Variants in PLXNA2 observed in about 807,000 individuals in gnomAD.
PLXNA2 encodes plexin A2.
PLXNA2 carries 91 observed loss-of-function variants against 193.5 expected under a neutral mutation model. That is an observed-to-expected ratio of 0.47 (90% confidence interval 0.40 to 0.56). PLXNA2 has a LOEUF of 0.56. Ranked by LOEUF, PLXNA2 falls within the 20% of genes least tolerant of loss-of-function variation. The pLI is 0.00. For synonymous variants in PLXNA2, 997 were observed against 1,027.3 expected (o/e 0.97, Z 0.56); for missense variants, 1,995 against 2,503.2 (o/e 0.80, Z 4.33).
intron 29 of PLXNA2, chr1:208,029,738 C>T (rs969053148): frequency 4.1e-6 from 4 of 985,526 alleles, no homozygotes; most frequent in African/African-American, 1.7e-5. Flanking sequence ...TAGGAGACTT[C>T]CTTCTGCAAC....
intron 29 of PLXNA2, chr1:208,029,944 G>C (rs1387997651): frequency 7.1e-6 from 7 of 985,344 alleles, no homozygotes; most frequent in Non-Finnish European, 4.8e-6. Flanking sequence ...TCACAGGCTT[G>C]TCCTCCAGCC....
At chr1:208,169,693 G>A (rs1669430493) in intron 3 of PLXNA2, among the ~76,000 whole-genome samples, 3 of 152,206 alleles carry the variant, frequency 2.0e-5, no homozygotes, top group Admixed American at 2.0e-4. Context: ...ATGTTCAACA[G>A]GTGAGAAAAG....
intron 4 of PLXNA2, among the ~76,000 whole-genome samples, chr1:208,135,740 G>C (rs1258250231): frequency 3.9e-5 from 6 of 152,170 alleles, no homozygotes; most frequent in Non-Finnish European, 8.8e-5. Context: ...GGGTCAGAAT[G>C]GGTGCTCTCT....
chr1:208,243,743 C>T lies in PLXNA2; in HGVS notation c.-181G>A, dbSNP rs1332094127. ...GCGAGGCCCCTCTCCCTGCCCGCAG[C>T]TCGGAATCAGGGAGACGACCAAATC... On this transcript the variant is annotated 5_prime_UTR_variant, in exon 1 of 32. Coordinates refer to ENST00000367033, the MANE Select transcript of PLXNA2 (RefSeq NM_025179.4). The T allele has an allele frequency of 2.0e-5, 3 of 152,292 alleles. No homozygotes were observed. Among genetic ancestry groups the T allele is most frequent in the Admixed American group, 6.5e-5 (1 of 15,290 alleles). The allele number at this position is 152,292 out of a possible 1,614,324, so 9.4% of individuals were successfully genotyped here.
At chr1:208,058,148 A>C (rs78637326) in intron 13 of PLXNA2, among the ~76,000 whole-genome samples, 2 of 152,266 alleles carry the variant, frequency 1.3e-5, no homozygotes, top group East Asian at 1.9e-4. Flanking sequence ...CCATCCCGCA[A>C]TGGCTGAGTT....
chr1:208,037,112 G>A (rs941155585), intron 26 of PLXNA2, among the ~76,000 whole-genome samples: 2 of 152,116 alleles, frequency 1.3e-5, no homozygotes, highest in Non-Finnish European at 2.9e-5. Context: ...ACAATCCTGG[G>A]CACCTCACAC....
rs182219438 is a variant in PLXNA2, at chr1:208,113,122, G to A, written c.1507-9875C>T. On this transcript the variant is annotated intron_variant, in intron 4 of 31. Coordinates refer to ENST00000367033, the MANE Select transcript of PLXNA2 (RefSeq NM_025179.4). ...GAAATGGGGGATGAGGAGGCTTTGG[G>A]AACTAGGGCCTAAGAAATAACTAAA... Among the ~76,000 whole-genome samples, 6 of 152,160 alleles carry A rather than the reference G, an allele frequency of 3.9e-5. No individual in the cohort carries two copies. In the East Asian group the frequency reaches 5.8e-4, roughly 15 times the overall value.
intron 1 of PLXNA2, among the ~76,000 whole-genome samples, chr1:208,233,797 C>A (rs543796654): frequency 6.6e-6 from 1 of 152,168 alleles, no homozygotes; most frequent in Non-Finnish European, 1.5e-5. Context: ...CAGTGCCTCT[C>A]GGGGAGGGAG....
intron 13 of PLXNA2, among the ~76,000 whole-genome samples, chr1:208,059,476 C>T (rs1316559389): frequency 6.6e-6 from 1 of 152,166 alleles, no homozygotes; most frequent in African/African-American, 2.4e-5. Flanking sequence ...TGGACTCTGA[C>T]CCTTCTCTGG....
intron 12 of PLXNA2, among the ~76,000 whole-genome samples, chr1:208,071,130 T>C (rs1026867862): frequency 6.6e-6 from 1 of 152,172 alleles, no homozygotes; most frequent in Non-Finnish European, 1.5e-5. Flanking sequence ...CAACACTGGA[T>C]TTGTAAAAGG....
chr1:208,073,422 C>T (rs1666034931), intron 12 of PLXNA2, among the ~76,000 whole-genome samples: 1 of 152,176 alleles, frequency 6.6e-6, no homozygotes, highest in Admixed American at 6.5e-5. Context: ...TAGGCTGGGG[C>T]TACATTGGAA....
At chr1:208,111,423 A>G (rs1667472172) in intron 4 of PLXNA2, among the ~76,000 whole-genome samples, 1 of 152,142 alleles carries the variant, frequency 6.6e-6, no homozygotes, top group South Asian at 2.1e-4. Context: ...GGCTGTGAGC[A>G]GGCTCCACGT....
chr1:208,031,491 A>G (rs886936599), intron 29 of PLXNA2, 99 bp downstream of exon 29: 2 of 1,476,628 alleles, frequency 1.4e-6, no homozygotes, highest in African/African-American at 1.4e-5. Context: ...CCCAGCCGAG[A>G]ATAGGCTATC....
intron 3 of PLXNA2, among the ~76,000 whole-genome samples, chr1:208,176,093 T>C (rs1669654267): frequency 6.6e-6 from 1 of 152,276 alleles, no homozygotes; most frequent in African/African-American, 2.4e-5. Context: ...ACAATAACTG[T>C]GAAATAAACA....
rs753186346 is a variant in PLXNA2, at chr1:208,095,986, C to T, written c.1982+43G>A. 2.1e-6 allele frequency: 3 copies of T among 1,461,178 alleles called. No homozygotes were observed. In the African/African-American group the frequency reaches 4.2e-5, roughly 20 times the overall value. 90.5% of individuals were successfully genotyped at this position (1,461,178 alleles called of 1,614,324 possible). A position where few individuals can be genotyped will look rare whatever the true frequency, so the allele number is the denominator to read the frequency against. On this transcript the variant is annotated intron_variant, in intron 8 of 31. Coordinates refer to ENST00000367033, the MANE Select transcript of PLXNA2 (RefSeq NM_025179.4). The stretch of plus-strand genomic sequence containing the variant: ...CATCGAGGGGAAGAAAGCCCATACC[C>T]ACATCCAGACCCAGAGCAAGACCCT...
intron 3 of PLXNA2, among the ~76,000 whole-genome samples, chr1:208,207,421 G>C (rs1489297370): frequency 1.3e-5 from 2 of 152,216 alleles, no homozygotes; most frequent in Non-Finnish European, 2.9e-5. Flanking sequence ...AGAAAGCAGT[G>C]TATAAGCAGC....
intron 4 of PLXNA2, among the ~76,000 whole-genome samples, chr1:208,125,396 C>A (rs1667944058): frequency 6.6e-6 from 1 of 152,172 alleles, no homozygotes; most frequent in South Asian, 2.1e-4. Flanking sequence ...ATGGGGAAGG[C>A]ACTGGTTAGA....
chr1:208,152,530 T>C (rs1668797225), intron 3 of PLXNA2, among the ~76,000 whole-genome samples: 1 of 152,232 alleles, frequency 6.6e-6, no homozygotes, highest in Admixed American at 6.5e-5. Context: ...CTTTTCTGTA[T>C]GCAAAATCCT....
chr1:208,153,639 C>T (rs1668838822), intron 3 of PLXNA2, among the ~76,000 whole-genome samples: 2 of 152,274 alleles, frequency 1.3e-5, no homozygotes, highest in Admixed American at 1.3e-4. Context: ...AAGCGGAAAG[C>T]CTGCTGGCTC....
Sources: allele counts gnomAD v4.1 joint callset (sites outside exome capture counted in the v4.1 genomes callset), GRCh38; gene constraint gnomAD v4.1.1; transcripts MANE v1.5; gene names NCBI Gene and HGNC (gene_info 2026-07-23, HGNC 2026-07-21).